Variants in YAF2 observed in about 807,000 individuals in gnomAD.
YAF2 encodes the protein YY1-associated factor 2.
YAF2 carries 7 observed loss-of-function variants against 20.1 expected under a neutral mutation model. The ratio of observed to expected loss-of-function variants is 0.35; its 90% CI spans 0.20 to 0.65. The LOEUF (loss-of-function observed/expected upper bound fraction) is 0.65. Among genes scored for constraint, YAF2 ranks in the 30% least tolerant of loss-of-function variants. The probability of loss-of-function intolerance (pLI) is 0.69; values close to 1 mark genes in which losing one functional copy is unlikely to be tolerated. For synonymous variants in YAF2, 74 were observed against 76.0 expected (o/e 0.97, Z 0.14); for missense variants, 151 against 219.2 (o/e 0.69, Z 1.96).
At chr12:42,163,014 A>G (rs927374292) in intron 2 of YAF2, among the ~76,000 whole-genome samples, 1 of 152,204 alleles carries the variant, frequency 6.6e-6, no homozygotes, top group Non-Finnish European at 1.5e-5. Flanking sequence ...GTTTTCAAAT[A>G]TAAGGTACAT....
At chr12:42,197,455 A>G (rs2066783042) in intron 2 of YAF2, among the ~76,000 whole-genome samples, 1 of 152,236 alleles carries the variant, frequency 6.6e-6, no homozygotes, top group Non-Finnish European at 1.5e-5. Context: ...TGCTAATTCC[A>G]TATCCTGCCA....
intron 2 of YAF2, among the ~76,000 whole-genome samples, chr12:42,205,655 G>A (rs1386634591): frequency 6.6e-6 from 1 of 152,144 alleles, no homozygotes; most frequent in Non-Finnish European, 1.5e-5. Context: ...TTACAGACGT[G>A]AGCCACCGTG....
intron 2 of YAF2, among the ~76,000 whole-genome samples, chr12:42,187,007 A>C (rs1443440417): frequency 6.6e-6 from 1 of 152,202 alleles, no homozygotes; most frequent in East Asian, 1.9e-4. Context: ...TAAATGGGGA[A>C]CTTGATATAT....
chr12:42,175,966 G>C (rs964737766), intron 2 of YAF2, among the ~76,000 whole-genome samples: 1 of 151,858 alleles, frequency 6.6e-6, no homozygotes, highest in African/African-American at 2.4e-5. Context: ...TCCACTTGGG[G>C]CTAGGCTTGG....
chr12:42,222,840 C>T (rs757843913), intron 2 of YAF2, among the ~76,000 whole-genome samples: 23 of 151,900 alleles, frequency 1.5e-4, no homozygotes, highest in Non-Finnish European at 3.1e-4. Context: ...ATGATAAAGC[C>T]ATTATCACAG....
chr12:42,161,875 G>T, intron 2 of YAF2, 110 bp from the exon 3 acceptor site: 2 of 1,005,692 alleles, frequency 2.0e-6, no homozygotes, highest in Non-Finnish European at 1.4e-6. Flanking sequence ...TAACTTTCAA[G>T]TATAAAAATT....
chr12:42,234,229 G>GAAAAGA (rs1555167115), intron 2 of YAF2: 1 of 686,338 alleles, frequency 1.5e-6, no homozygotes, highest in African/African-American at 2.4e-5. Context: ...GAAAAGAAAA[G>GAAAAGA]AAAGAAAAGA....
rs2065723704 is a variant in YAF2 at position 42,157,118 on chromosome 12, A to G, written c.*3471T>C. ...AGACTGGGCAATTTATAAAGAAAAC[A>G]GATTTATTTTGGCTTATGAGTCCAA... On this transcript the variant is annotated 3_prime_UTR_variant, in exon 4 of 4. Transcript: ENST00000534854. 1 of 152,160 alleles carries G rather than the reference A, an allele frequency of 6.6e-6. No individual in the cohort carries two copies. 9.4% of individuals were successfully genotyped at this position (152,160 alleles called of 1,614,324 possible). A position where few individuals can be genotyped will look rare whatever the true frequency, so the allele number is the denominator to read the frequency against.
intron 2 of YAF2, among the ~76,000 whole-genome samples, chr12:42,215,210 A>G (rs1947636847): frequency 6.6e-6 from 1 of 152,142 alleles, no homozygotes; most frequent in African/African-American, 2.4e-5. Context: ...TATTCTGCCT[A>G]TGTTCTAAAT....
At chr12:42,176,689 T>C (rs1474815203) in intron 2 of YAF2, among the ~76,000 whole-genome samples, 1 of 152,156 alleles carries the variant, frequency 6.6e-6, no homozygotes, top group African/African-American at 2.4e-5. Flanking sequence ...CGGCCAGGTA[T>C]GGTGGCTCAC....
At chr12:42,225,720 C>T (rs1344922600) in intron 2 of YAF2, among the ~76,000 whole-genome samples, 1 of 152,138 alleles carries the variant, frequency 6.6e-6, no homozygotes. Context: ...GGACTCTGTT[C>T]TGTTCTATCG....
intron 2 of YAF2, among the ~76,000 whole-genome samples, chr12:42,225,411 G>C (rs1031695264): frequency 1.3e-5 from 2 of 152,088 alleles, no homozygotes; most frequent in African/African-American, 4.8e-5. Flanking sequence ...ACTGCTTTTG[G>C]TGTTTTAGTC....
chr12:42,185,351 T>G (rs1271171777), intron 2 of YAF2, among the ~76,000 whole-genome samples: 2 of 152,236 alleles, frequency 1.3e-5, no homozygotes, highest in African/African-American at 4.8e-5. Context: ...GTGAAGATGC[T>G]GTGAACACAG....
At chr12:42,169,619 C>G (rs1592158049) in intron 2 of YAF2, among the ~76,000 whole-genome samples, 1 of 152,072 alleles carries the variant, frequency 6.6e-6, no homozygotes, top group South Asian at 2.1e-4. Flanking sequence ...CACCATGTTG[C>G]CCAGGCTGGT....
chr12:42,179,092 C>A (rs2066272784), intron 2 of YAF2, among the ~76,000 whole-genome samples: 1 of 152,130 alleles, frequency 6.6e-6, no homozygotes, highest in African/African-American at 2.4e-5. Flanking sequence ...CTGGGCTCCA[C>A]CTTTAAGAAC....
chr12:42,174,592 T>C (rs2066133583), intron 2 of YAF2, among the ~76,000 whole-genome samples: 1 of 151,950 alleles, frequency 6.6e-6, no homozygotes, highest in Admixed American at 6.6e-5. Flanking sequence ...GAATGAAGAG[T>C]AGCAACACCA....
Position 42,223,638 on chromosome 12 carries a change from G to A in YAF2, c.152+13961C>T, listed in dbSNP as rs1005305012. ...AGCCTGTAAAAGTGCTGGGATTACA[G>A]GTGTGAGCCACCTCGCCCCACCAGA... On this transcript the variant is annotated intron_variant, in intron 2 of 3. Coordinates refer to ENST00000534854, the MANE Select transcript of YAF2 (RefSeq NM_005748.6). Among the ~76,000 whole-genome samples, 9 of 152,194 alleles carry A rather than the reference G, an allele frequency of 5.9e-5. No individual in the cohort carries two copies. In the East Asian group the frequency reaches 1.7e-3, roughly 29 times the overall value.
chr12:42,231,348 A>T (rs1260544085), intron 2 of YAF2: 1 of 152,212 alleles, frequency 6.6e-6, no homozygotes, highest in Non-Finnish European at 1.5e-5. Flanking sequence ...CTGGATTGTC[A>T]CATCTATCTC....
At chr12:42,237,322 C>G (rs1015885889) in intron 2 of YAF2, 2 of 932,474 alleles carry the variant, frequency 2.1e-6, no homozygotes, top group Non-Finnish European at 2.7e-6. Flanking sequence ...GGGCATTACA[C>G]CCAGCGATAC....
Sources: allele counts gnomAD v4.1 joint callset (sites outside exome capture counted in the v4.1 genomes callset), GRCh38; gene constraint gnomAD v4.1.1; transcripts MANE v1.5; gene names NCBI Gene and HGNC (gene_info 2026-07-23, HGNC 2026-07-21).